BMP5: variants seen among roughly 807,000 people sequenced by gnomAD.
The protein encoded by BMP5 is bone morphogenetic protein 5.
A neutral mutation model predicts 46.6 loss-of-function variants in BMP5; 23 were observed. The observed-to-expected ratio is 0.49, with a 90% CI of 0.35 to 0.70. BMP5 has a LOEUF of 0.70. BMP5 is among the 30% of genes least tolerant of loss of function. The pLI, the probability that BMP5 is intolerant of heterozygous loss-of-function variation, is 0.00. For missense variants in BMP5, 545 were observed against 565.6 expected, an observed-to-expected ratio of 0.96 and a Z score of 0.37; for synonymous variants, 204 against 191.9, an observed-to-expected ratio of 1.06 and a Z score of -0.52.
Position 55,832,228 on chromosome 6 carries a change from C to T in BMP5, c.491-12381G>A, listed in dbSNP as rs566865793. Among the ~76,000 whole-genome samples, 3 of 152,240 alleles carry T rather than the reference C, an allele frequency of 2.0e-5. No homozygotes were observed. In the East Asian group the frequency reaches 5.8e-4, roughly 29 times the overall value. On this transcript the variant is annotated intron_variant, in intron 1 of 6. Coordinates refer to ENST00000370830, the MANE Select transcript of BMP5 (RefSeq NM_021073.4). ...GGGTCATTTGAGAACACTCACTTCT[C>T]CCCAGTGAATTTTTGTTTTCTTTTT...
intron 1 of BMP5, among the ~76,000 whole-genome samples, chr6:55,822,845 G>A (rs1054324755): frequency 1.3e-5 from 2 of 152,022 alleles, no homozygotes; most frequent in Non-Finnish European, 2.9e-5. Context: ...TTTTCAAAGA[G>A]TTTAATAAAA....
intron 3 of BMP5, among the ~76,000 whole-genome samples, chr6:55,792,940 T>C (rs1474107983): frequency 6.6e-6 from 1 of 152,134 alleles, no homozygotes; most frequent in Non-Finnish European, 1.5e-5. Context: ...TTTTAAAAAT[T>C]ATCCTCCCTG....
chr6:55,819,626 G>C lies in BMP5; in HGVS notation c.683+29C>G, dbSNP rs1315559302. On this transcript the variant is annotated intron_variant, in intron 2 of 6. Transcript: ENST00000370830. ...ACTAAAATTTTACATATATTTGCCA[G>C]GATAATAAGTTAAATAAAAAGATTA... The C allele has an allele frequency of 1.9e-6, 3 of 1,549,794 alleles. No individual in the cohort carries two copies. In the South Asian group the frequency reaches 3.4e-5, roughly 17 times the overall value.
intron 3 of BMP5, among the ~76,000 whole-genome samples, chr6:55,793,983 G>A (rs1775639906): frequency 6.6e-6 from 1 of 151,986 alleles, no homozygotes; most frequent in South Asian, 2.1e-4. Context: ...TGTTGTATTA[G>A]AGTAGTGCTA....
chr6:55,820,975 A>G (rs1333464820), intron 1 of BMP5, among the ~76,000 whole-genome samples: 2 of 152,166 alleles, frequency 1.3e-5, no homozygotes, highest in African/African-American at 4.8e-5. Flanking sequence ...GCTGTGTAAG[A>G]TAGTGTATTG....
chr6:55,875,418 T>C lies in BMP5; in HGVS notation c.-553A>G, dbSNP rs1305330627. 6.2e-6 allele frequency: 1 copy of C among 160,366 alleles called. No homozygotes were observed. Among genetic ancestry groups the C allele is most frequent in the Non-Finnish European group, 1.4e-5 (1 of 72,760 alleles). The allele number at this position is 160,366 out of a possible 1,614,324, so 9.9% of individuals were successfully genotyped here. On this transcript the variant is annotated 5_prime_UTR_variant, in exon 1 of 7. Coordinates refer to ENST00000370830, the MANE Select transcript of BMP5 (RefSeq NM_021073.4). ...GGTGATAACTTTAACATCTTTTGTG[T>C]CGTCTTAGTGTAAAATAATACTCTA...
At chr6:55,772,380 AT>A (rs1381874067) in intron 4 of BMP5, among the ~76,000 whole-genome samples, 1 of 151,942 alleles carries the variant, frequency 6.6e-6, no homozygotes, top group Non-Finnish European at 1.5e-5. Flanking sequence ...ATGAGCTCAA[AT>A]AATAAGTATG....
chr6:55,819,962 T>C, intron 1 of BMP5, 115 bp from the exon 2 acceptor site: 1 of 946,996 alleles, frequency 1.1e-6, no homozygotes, highest in Non-Finnish European at 1.6e-6. Context: ...AGTATAAAAC[T>C]GGAAAAACCC....
intron 1 of BMP5, among the ~76,000 whole-genome samples, chr6:55,821,528 C>G (rs1225819939): frequency 1.3e-5 from 2 of 152,120 alleles, no homozygotes; most frequent in Non-Finnish European, 2.9e-5. Context: ...GGATGATGCT[C>G]TTTGGCTCTC....
intron 1 of BMP5, among the ~76,000 whole-genome samples, chr6:55,859,136 A>T (rs978605263): frequency 1.7e-4 from 26 of 151,766 alleles, no homozygotes; most frequent in East Asian, 1.2e-3. Flanking sequence ...GTAAAATTTT[A>T]AAAAAAAAGT....
At chr6:55,850,394 A>G (rs1220542679) in intron 1 of BMP5, among the ~76,000 whole-genome samples, 2 of 93,010 alleles carry the variant, frequency 2.2e-5, no homozygotes, top group East Asian at 4.3e-4. Flanking sequence ...AGATAGATAG[A>G]TCGATAGATA....
chr6:55,786,451 G>T lies in BMP5; in HGVS notation c.832+7828C>A, dbSNP rs552803458. ...TTCCTCACAGAACAAACAATTCTAA[G>T]GCCATTGGCTTCCATTATTCAGGCT... On this transcript the variant is annotated intron_variant, in intron 3 of 6. Coordinates refer to ENST00000370830, the MANE Select transcript of BMP5 (RefSeq NM_021073.4). 2.6e-5 allele frequency among the ~76,000 whole-genome samples: 4 copies of T among 151,650 alleles called. No individual in the cohort carries two copies. In the South Asian group the frequency reaches 8.3e-4, roughly 31 times the overall value.
chr6:55,774,125 T>G lies in BMP5; in HGVS notation c.951A>C (p.Ala317=). The G allele has an allele frequency of 6.2e-7, 1 of 1,613,202 alleles. No individual in the cohort carries two copies. Among genetic ancestry groups the G allele is most frequent in the Non-Finnish European group, 8.5e-7 (1 of 1,179,476 alleles). Reference sequence around the variant, plus strand: ...GGTTTTGATTTTTTCGTTTGTTGGCTGCTCTCACGGATCGAAGAAGTACCT... The same window carrying G: ...GGTTTTGATTTTTTCGTTTGTTGGCGGCTCTCACGGATCGAAGAAGTACCT... ...ASEVLLRSVR[A]ANKRKNQNRN... The change falls in exon 4 of 7, where the codon GCA becomes GCC. Residue 317 remains alanine (A), a synonymous_variant. Transcript: ENST00000370830.
At chr6:55,763,237 T>C (rs1346741742) in intron 4 of BMP5, among the ~76,000 whole-genome samples, 1 of 152,058 alleles carries the variant, frequency 6.6e-6, no homozygotes, top group Non-Finnish European at 1.5e-5. Context: ...AAACTACAAA[T>C]ATGATTATTT....
intron 1 of BMP5, among the ~76,000 whole-genome samples, chr6:55,846,576 A>G (rs1777102206): frequency 6.6e-6 from 1 of 151,932 alleles, no homozygotes; most frequent in Admixed American, 6.6e-5. Context: ...ACTTGCACTC[A>G]TATTCACACA....
chr6:55,768,324 ATGGTT>A, intron 4 of BMP5, among the ~76,000 whole-genome samples: 1 of 152,084 alleles, frequency 6.6e-6, no homozygotes, highest in African/African-American at 2.4e-5. Flanking sequence ...TAAATTGATG[ATGGTT>A]TGAAAGCAAT....
intron 3 of BMP5, among the ~76,000 whole-genome samples, chr6:55,780,672 T>G (rs541128142): frequency 1.3e-5 from 2 of 151,964 alleles, no homozygotes; most frequent in Admixed American, 1.3e-4. Flanking sequence ...TTTGATAAAG[T>G]GACGGGGCTT....
At chr6:55,822,715 G>A (rs1041857274) in intron 1 of BMP5, among the ~76,000 whole-genome samples, 6 of 152,040 alleles carry the variant, frequency 3.9e-5, no homozygotes, top group East Asian at 1.9e-4. Context: ...GTAATCTACC[G>A]TTCTGGAATC....
At chr6:55,848,203 A>G (rs1356587120) in intron 1 of BMP5, among the ~76,000 whole-genome samples, 2 of 151,856 alleles carry the variant, frequency 1.3e-5, no homozygotes, top group Non-Finnish European at 2.9e-5. Flanking sequence ...CTGGAAGACC[A>G]CCCTAATGTA....
Sources: allele counts gnomAD v4.1 joint callset (sites outside exome capture counted in the v4.1 genomes callset), GRCh38; gene constraint gnomAD v4.1.1; transcripts MANE v1.5; gene names NCBI Gene and HGNC (gene_info 2026-07-23, HGNC 2026-07-21).